The following DCLK2 variants were observed in gnomAD, a reference collection of about 807,000 sequenced individuals.
DCLK2 encodes serine/threonine-protein kinase DCLK2.
A neutral mutation model predicts 78.4 loss-of-function variants in DCLK2; 31 were observed. The ratio of observed to expected loss-of-function variants is 0.40; its 90% CI spans 0.30 to 0.53. DCLK2 has a LOEUF of 0.53. DCLK2 is among the 20% of genes least tolerant of loss of function. The pLI is 0.61. For missense variants in DCLK2, 872 were observed against 973.7 expected (o/e 0.90, Z 1.39); for synonymous variants, 407 against 374.9 (o/e 1.09, Z -0.99).
chr4:150,232,099 A>G (rs1028911269), intron 8 of DCLK2, among the ~76,000 whole-genome samples: 17 of 152,198 alleles, frequency 1.1e-4, no homozygotes, highest in African/African-American at 3.9e-4. Flanking sequence ...CAGAAGCACC[A>G]TGGAGCCTTT....
intron 2 of DCLK2, among the ~76,000 whole-genome samples, chr4:150,162,701 A>C (rs1735786631): frequency 6.6e-6 from 1 of 151,680 alleles, no homozygotes; most frequent in Non-Finnish European, 1.5e-5. Flanking sequence ...AAACTCCTAG[A>C]CTCAACTGAT....
At chr4:150,228,591 G>A (rs1433003203) in intron 8 of DCLK2, among the ~76,000 whole-genome samples, 1 of 152,184 alleles carries the variant, frequency 6.6e-6, no homozygotes, top group South Asian at 2.1e-4. Flanking sequence ...GCTGTGATTC[G>A]GGGCTATGAG....
At chr4:150,199,056 C>G (rs1226363241) in intron 4 of DCLK2, 2 of 1,596,684 alleles carry the variant, frequency 1.3e-6, no homozygotes, top group South Asian at 1.1e-5. Context: ...ACTCCAGTGC[C>G]TATTCTACAG....
At chr4:150,231,136 A>G (rs575350252) in intron 8 of DCLK2, among the ~76,000 whole-genome samples, 2 of 152,252 alleles carry the variant, frequency 1.3e-5, no homozygotes, top group Non-Finnish European at 2.9e-5. Context: ...TATAAGAAAG[A>G]TGGGCTTGGA....
intron 8 of DCLK2, among the ~76,000 whole-genome samples, chr4:150,224,824 A>G (rs1032321345): frequency 2.0e-5 from 3 of 152,224 alleles, no homozygotes; most frequent in African/African-American, 7.2e-5. Context: ...ACACCCAACA[A>G]TACTCAAAAG....
intron 7 of DCLK2, among the ~76,000 whole-genome samples, chr4:150,222,350 A>G (rs563874223): frequency 1.3e-5 from 2 of 152,286 alleles, no homozygotes; most frequent in African/African-American, 4.8e-5. Flanking sequence ...AGATATATAT[A>G]AGGTCTCATC....
intron 5 of DCLK2, among the ~76,000 whole-genome samples, chr4:150,207,376 C>T (rs7671422): frequency 0.019 from 2,853 of 152,196 alleles, 95 homozygotes; most frequent in African/African-American, 0.065. Flanking sequence ...TCTTTGTATA[C>T]ATGTCTGGGA....
At chr4:150,207,375 A>G (rs780563519) in intron 5 of DCLK2, among the ~76,000 whole-genome samples, 2 of 152,172 alleles carry the variant, frequency 1.3e-5, no homozygotes, top group African/African-American at 2.4e-5. Context: ...CTCTTTGTAT[A>G]CATGTCTGGG....
intron 4 of DCLK2, among the ~76,000 whole-genome samples, chr4:150,203,023 C>T (rs1256726136): frequency 6.6e-6 from 1 of 151,934 alleles, no homozygotes; most frequent in African/African-American, 2.4e-5. Context: ...ATTTAATTTT[C>T]TGGGGGAAAG....
At chr4:150,198,188 C>A in intron 4 of DCLK2, 85 bp downstream of exon 4, 1 of 1,256,078 alleles carries the variant, frequency 8.0e-7, no homozygotes. Flanking sequence ...AATTAGTAGT[C>A]TTTGCCAGGG....
chr4:150,089,248 C>T (rs776768462), intron 1 of DCLK2, among the ~76,000 whole-genome samples: 4 of 152,176 alleles, frequency 2.6e-5, no homozygotes, highest in Non-Finnish European at 5.9e-5. Context: ...GAGTTACCAT[C>T]ATTATCAATC....
At chr4:150,225,903 C>T (rs1741568832) in intron 8 of DCLK2, among the ~76,000 whole-genome samples, 2 of 151,972 alleles carry the variant, frequency 1.3e-5, no homozygotes, top group African/African-American at 2.4e-5. Context: ...TGGTTATTAT[C>T]GACACCTAGA....
intron 10 of DCLK2, among the ~76,000 whole-genome samples, chr4:150,237,530 ATATTCT>A (rs1742598640): frequency 6.6e-6 from 1 of 152,210 alleles, no homozygotes; most frequent in African/African-American, 2.4e-5. Flanking sequence ...AAGGTGAAAC[ATATTCT>A]TATTAAATGG....
intron 2 of DCLK2, among the ~76,000 whole-genome samples, chr4:150,116,186 T>C (rs1732073147): frequency 6.6e-6 from 1 of 152,156 alleles, no homozygotes; most frequent in African/African-American, 2.4e-5. Flanking sequence ...GGGGATGCAG[T>C]CACCCTGAAG....
intron 2 of DCLK2, among the ~76,000 whole-genome samples, chr4:150,121,276 A>G (rs905836055): frequency 6.6e-6 from 1 of 152,222 alleles, no homozygotes; most frequent in Admixed American, 6.5e-5. Flanking sequence ...TTCTTTCAAA[A>G]TTTGTCAATC....
At chr4:150,195,427 T>TAG (rs35990728) in intron 3 of DCLK2, among the ~76,000 whole-genome samples, 34 of 1,562 alleles carry the variant, frequency 0.022, 4 homozygotes, top group African/African-American at 0.038. Flanking sequence ...TATATAATAT[T>TAG]ATATATTATA....
intron 5 of DCLK2, among the ~76,000 whole-genome samples, chr4:150,217,701 G>A (rs1331238423): frequency 1.3e-5 from 2 of 152,148 alleles, no homozygotes; most frequent in African/African-American, 4.8e-5. Context: ...AAAGAAAATT[G>A]TCTGTGTCTA....
chr4:150,134,590 T>C (rs868860678), intron 2 of DCLK2, among the ~76,000 whole-genome samples: 5 of 152,192 alleles, frequency 3.3e-5, no homozygotes, highest in Admixed American at 6.5e-5. Flanking sequence ...ATTTTGATTT[T>C]TTTCTTTGGT....
At chr4:150,193,940 C>T (rs1219112174) in intron 3 of DCLK2, among the ~76,000 whole-genome samples, 1 of 150,892 alleles carries the variant, frequency 6.6e-6, no homozygotes, top group African/African-American at 2.4e-5. Flanking sequence ...TTTGTAGAGA[C>T]AGGGTCTTGC....
Sources: allele counts gnomAD v4.1 joint callset (sites outside exome capture counted in the v4.1 genomes callset), GRCh38; gene constraint gnomAD v4.1.1; transcripts MANE v1.5; gene names NCBI Gene and HGNC (gene_info 2026-07-23, HGNC 2026-07-21).